PADI4: variants seen among roughly 807,000 people sequenced by gnomAD.
The protein encoded by PADI4 is protein-arginine deiminase type-4.
Under a neutral mutation model 75.0 loss-of-function variants are expected in PADI4, and 62 were observed. That is an observed-to-expected ratio of 0.83 (90% CI 0.67 to 1.02). PADI4 has a LOEUF of 1.02. PADI4 is among the 50% of genes least tolerant of loss of function. The pLI is 0.00. For missense variants in PADI4, 845 were observed against 850.5 expected (o/e 0.99, Z 0.08); for synonymous variants, 361 against 348.1 (o/e 1.04, Z -0.41).
rs1264187210 is a variant in PADI4 at position 17,346,701 on chromosome 1, G to A, written c.1047+562G>A. Among the ~76,000 whole-genome samples, 6 of 152,020 alleles carry A rather than the reference G, an allele frequency of 3.9e-5. No individual in the cohort carries two copies. The highest frequency in any genetic ancestry group is 8.8e-5 in the Non-Finnish European group (6 of 67,990). ...CTGAGACTGGGCCTCATCCAGCCTA[G>A]CACCCTGACCCTCCCCACCACTGCC... On this transcript the variant is annotated intron_variant, in intron 9 of 15. Coordinates refer to ENST00000375448, the MANE Select transcript of PADI4 (RefSeq NM_012387.3). The surrounding 1 kb of genome is among the most constrained non-coding windows in gnomAD (Gnocchi z 4.3).
intron 1 of PADI4, 77 bp downstream of exon 1, chr1:17,308,391 A>C: frequency 8.5e-7 from 1 of 1,172,256 alleles, no homozygotes; most frequent in Non-Finnish European, 1.3e-6. Context: ...ACACAGGAGC[A>C]TGTGTTTGGC....
At chr1:17,323,002 A>G (rs11203357) in intron 1 of PADI4, among the ~76,000 whole-genome samples, 84,697 of 151,876 alleles carry the variant, frequency 0.56, 23,788 homozygotes, top group East Asian at 0.59. Context: ...TGGGTTCTCT[A>G]CTTCAAGGTT....
chr1:17,353,836 G>A (rs1031615027), intron 10 of PADI4, among the ~76,000 whole-genome samples: 11 of 152,114 alleles, frequency 7.2e-5, no homozygotes, highest in Admixed American at 5.9e-4. Flanking sequence ...AAAAAGACAC[G>A]GAAATATAAT....
At chr1:17,330,580 G>A (rs535881618) in intron 1 of PADI4, among the ~76,000 whole-genome samples, 121 of 152,292 alleles carry the variant, frequency 7.9e-4, no homozygotes, top group African/African-American at 2.4e-3. Flanking sequence ...TCCCAGAGTC[G>A]AAAAGCCAAT....
chr1:17,358,848 G>T lies in PADI4; in HGVS notation c.1569G>T (p.Gln523His). 6.2e-7 allele frequency: 1 copy of T among 1,600,840 alleles called. No homozygotes were observed. Among genetic ancestry groups the T allele is most frequent in the Non-Finnish European group, 8.5e-7 (1 of 1,172,220 alleles). ...TTTTCTCCATGACAGAAAAAAAACA[G>T]CAGAAAATAAAGAACATTCTGTCAA... ...LLFEGIKKKK[Q>H]QKIKNILSNK... The change falls in exon 14 of 16, where the codon CAG becomes CAT. Residue 523 changes from glutamine (Q) to histidine (H), a missense_variant. Coordinates refer to ENST00000375448, the MANE Select transcript of PADI4 (RefSeq NM_012387.3).
chr1:17,318,649 C>T (rs1281164177), intron 1 of PADI4, among the ~76,000 whole-genome samples: 2 of 151,408 alleles, frequency 1.3e-5, no homozygotes, highest in African/African-American at 4.8e-5. Flanking sequence ...TTTTGCCGTT[C>T]ATATGCACAC....
intron 5 of PADI4, among the ~76,000 whole-genome samples, chr1:17,339,335 G>A (rs549213436): frequency 6.6e-6 from 1 of 152,270 alleles, no homozygotes; most frequent in Admixed American, 6.5e-5. Context: ...TCAGCCGAGC[G>A]CCTGCCGCCT....
chr1:17,349,132 C>G (rs1253464455), intron 10 of PADI4, among the ~76,000 whole-genome samples: 2 of 152,188 alleles, frequency 1.3e-5, no homozygotes, highest in Non-Finnish European at 2.9e-5. Context: ...GCCATGGGGT[C>G]GAGTTCATCC....
At chr1:17,321,928 A>G (rs553010728) in intron 1 of PADI4, among the ~76,000 whole-genome samples, 1 of 152,362 alleles carries the variant, frequency 6.6e-6, no homozygotes, top group East Asian at 1.9e-4. Flanking sequence ...GTGGGTGGAT[A>G]AGAGACAAAC....
intron 11 of PADI4, 88 bp downstream of exon 11, chr1:17,354,775 C>T: frequency 7.8e-7 from 1 of 1,281,680 alleles, no homozygotes; most frequent in Non-Finnish European, 1.1e-6. Flanking sequence ...TGCCTTCCTG[C>T]TTCCGATTCT....
rs376056134 is a variant in PADI4, at chr1:17,311,313, C to A, written c.92+2999C>A. On this transcript the variant is annotated intron_variant, in intron 1 of 15. Transcript: ENST00000375448. ...AAGCCAGGACTGTCTGACCCTAAAC[C>A]CACCCTGCTTCGCAGCCCACCCTGC... Among the ~76,000 whole-genome samples the A allele has an allele frequency of 9.9e-5, 15 of 152,160 alleles. No homozygotes were observed. In the East Asian group the frequency reaches 2.7e-3, roughly 28 times the overall value.
intron 1 of PADI4, among the ~76,000 whole-genome samples, chr1:17,320,227 A>C (rs2074010807): frequency 6.6e-6 from 1 of 151,852 alleles, no homozygotes; most frequent in Non-Finnish European, 1.5e-5. Context: ...TGCTGCCATC[A>C]CCACAGTTTC....
chr1:17,336,052 T>C (rs1292784621), intron 3 of PADI4, 107 bp from the exon 4 acceptor site: 6 of 732,500 alleles, frequency 8.2e-6, no homozygotes, highest in Non-Finnish European at 1.5e-5. Flanking sequence ...GCTCACACTA[T>C]GGGTGCACAC....
intron 3 of PADI4, 113 bp from the exon 4 acceptor site, chr1:17,336,046 A>T: frequency 1.4e-6 from 1 of 690,690 alleles, no homozygotes; most frequent in Non-Finnish European, 2.6e-6. Context: ...AGAGGGGCTC[A>T]CACTATGGGT....
intron 1 of PADI4, among the ~76,000 whole-genome samples, chr1:17,314,044 C>G (rs984099286): frequency 6.6e-6 from 1 of 152,192 alleles, no homozygotes; most frequent in African/African-American, 2.4e-5. Context: ...GTTTCCCCAT[C>G]TAGCAGAGAG....
chr1:17,322,330 A>C (rs1319820945), intron 1 of PADI4, among the ~76,000 whole-genome samples: 1 of 152,176 alleles, frequency 6.6e-6, no homozygotes, highest in Non-Finnish European at 1.5e-5. Flanking sequence ...TCTACTAAAA[A>C]TACAAAAAAT....
intron 13 of PADI4, among the ~76,000 whole-genome samples, chr1:17,358,227 G>A (rs573794097): frequency 1.3e-5 from 2 of 151,674 alleles, no homozygotes; most frequent in Admixed American, 6.6e-5. Context: ...CAGCCTGGGC[G>A]ACAGAGCAAG....
chr1:17,339,739 T>TCTTCACAAACCATACACTGGTG lies in PADI4; in HGVS notation c.581_602dup (p.Val203LysfsTer12). On this transcript the variant is annotated frameshift_variant, in exon 6 of 16. Coordinates refer to ENST00000375448, the MANE Select transcript of PADI4 (RefSeq NM_012387.3). LOFTEE classifies it high-confidence loss of function. ...CTGAGCACGAAGACCCCCAAGGACT[T>TCTTCACAAACCATACACTGGTG]CTTCACAAACCATACACTGGTGCTC... is the stretch of plus-strand genomic sequence containing the variant. 1 of 1,613,962 alleles carries TCTTCACAAACCATACACTGGTG rather than the reference T, an allele frequency of 6.2e-7. No individual in the cohort carries two copies. The highest frequency in any genetic ancestry group is 1.1e-5 in the South Asian group (1 of 91,054).
intron 3 of PADI4, among the ~76,000 whole-genome samples, chr1:17,334,963 G>A (rs2100715404): frequency 6.6e-6 from 1 of 152,026 alleles, no homozygotes; most frequent in African/African-American, 2.4e-5. Flanking sequence ...GCAACATAGT[G>A]AGATCCTGTC....
Sources: gnomAD v4.1 joint callset for allele counts (sites outside exome capture counted in the v4.1 genomes callset) on GRCh38, gnomAD v4.1.1 for gene constraint, Gnocchi (gnomAD v3.1) non-coding constraint, MANE v1.5 for transcripts, NCBI Gene and HGNC (gene_info 2026-07-23, HGNC 2026-07-21) for gene names.